Variants in CNIH3 observed in about 807,000 individuals in gnomAD.
The protein encoded by CNIH3 is protein cornichon homolog 3.
CNIH3 carries 14 observed loss-of-function variants against 24.1 expected under a neutral mutation model. That is an observed-to-expected ratio of 0.58 (90% CI 0.38 to 0.91). CNIH3 has a LOEUF of 0.91. Ranked by LOEUF, CNIH3 falls within the 40% of genes least tolerant of loss-of-function variation. CNIH3 has a pLI of 0.00. For missense variants in CNIH3, 178 were observed against 196.8 expected (o/e 0.90, Z 0.57); for synonymous variants, 68 against 73.8 (o/e 0.92, Z 0.40).
At chr1:224,668,402 G>A (rs1032880146) in intron 1 of CNIH3, among the ~76,000 whole-genome samples, 2 of 152,208 alleles carry the variant, frequency 1.3e-5, no homozygotes, top group Non-Finnish European at 2.9e-5. Flanking sequence ...CAAAATGAAT[G>A]GCAGCTGGTA....
Position 224,616,358 on chromosome 1 carries a change from A to T in CNIH3, c.-817A>T. On this transcript the variant is annotated 5_prime_UTR_variant, in exon 1 of 6. Transcript: ENST00000272133. Reference sequence around the variant, plus strand: ...CGGCGGCGGCGGCGGCAGCGGCAGCAGCAGGTGGAGCGAGCTACAGCGTTT... The same window carrying T: ...CGGCGGCGGCGGCGGCAGCGGCAGCTGCAGGTGGAGCGAGCTACAGCGTTT... 1.7e-6 allele frequency: 1 copy of T among 591,674 alleles called. No homozygotes were observed. The highest frequency in any genetic ancestry group is 2.2e-6 in the Non-Finnish European group (1 of 452,720). 36.7% of individuals were successfully genotyped at this position (591,674 alleles called of 1,614,324 possible). A position where few individuals can be genotyped will look rare whatever the true frequency, so the allele number is the denominator to read the frequency against.
downstream of CNIH3, among the ~76,000 whole-genome samples, chr1:224,590,775 G>A (rs776909030): frequency 3.3e-5 from 5 of 151,976 alleles, no homozygotes; most frequent in African/African-American, 4.8e-5. Flanking sequence ...CATAGCTAAC[G>A]CCTTTGTGCT....
At position 224,465,111 on chromosome 1, in the gene CNIH3, C is replaced by CT. The variant is rs547660025; in HGVS notation, n.203+30264dup. Among the ~76,000 whole-genome samples, 1,011 of 142,702 alleles carry CT rather than the reference C, an allele frequency of 7.1e-3. 6 individuals carry two copies. The highest frequency in any genetic ancestry group is 8.6e-3 in the Admixed American group (122 of 14,162). The allele number at this position is 142,702 out of a possible 152,430, so 93.6% of individuals were successfully genotyped here. A position where few individuals can be genotyped will look rare whatever the true frequency, so the allele number is the denominator to read the frequency against. ...ACCCAGCCAAGATAGTTAGAATTAT[C>CT]TTTTTTTTTTTTTTTGAGACGGAGT... On this transcript the variant is annotated intron_variant and non_coding_transcript_variant, in intron 1 of 5. Transcript: ENST00000471578.
chr1:224,713,958 G>T (rs1688294257), intron 3 of CNIH3, among the ~76,000 whole-genome samples: 1 of 152,058 alleles, frequency 6.6e-6, no homozygotes, highest in South Asian at 2.1e-4. Flanking sequence ...GGGACTACAG[G>T]CATGCACCAC....
chr1:224,607,388 G>A (rs1458576285), intron 3 of CNIH3, among the ~76,000 whole-genome samples: 1 of 152,160 alleles, frequency 6.6e-6, no homozygotes, highest in African/African-American at 2.4e-5. Context: ...CAGGCAGCAG[G>A]GGAAAGAAGA....
intron 1 of CNIH3, among the ~76,000 whole-genome samples, chr1:224,462,980 A>C (rs1675988917): frequency 6.9e-6 from 1 of 145,384 alleles, no homozygotes; most frequent in South Asian, 2.2e-4. Flanking sequence ...GGCTCACTGC[A>C]ACCTGCACCT....
chr1:224,565,121 G>C (rs1043900634), intron 3 of CNIH3, among the ~76,000 whole-genome samples: 6 of 152,226 alleles, frequency 3.9e-5, no homozygotes, highest in Non-Finnish European at 8.8e-5. Flanking sequence ...CCCCCAAATA[G>C]ATTTTGCAAT....
intron 3 of CNIH3, among the ~76,000 whole-genome samples, chr1:224,549,336 A>G (rs1427787280): frequency 6.6e-6 from 1 of 152,134 alleles, no homozygotes; most frequent in Non-Finnish European, 1.5e-5. Flanking sequence ...GTACAAACAC[A>G]CTAGATATTA....
intron 1 of CNIH3, among the ~76,000 whole-genome samples, chr1:224,629,443 T>C (rs1683709104): frequency 6.6e-6 from 1 of 152,174 alleles, no homozygotes; most frequent in African/African-American, 2.4e-5. Flanking sequence ...ACGGCACTCA[T>C]ATTTGGCTCA....
intron 1 of CNIH3, among the ~76,000 whole-genome samples, chr1:224,660,468 T>C (rs915917491): frequency 1.3e-5 from 2 of 152,206 alleles, no homozygotes; most frequent in African/African-American, 4.8e-5. Context: ...AATTATTATT[T>C]TTCTCAATAA....
intron 1 of CNIH3, among the ~76,000 whole-genome samples, chr1:224,490,797 CG>C (rs1677210384): frequency 6.6e-6 from 1 of 152,124 alleles, no homozygotes; most frequent in South Asian, 2.1e-4. Flanking sequence ...GAATGATTTG[CG>C]AATCGGGCAG....
chr1:224,542,424 G>A (rs1375855741), downstream of CNIH3, among the ~76,000 whole-genome samples: 1 of 152,166 alleles, frequency 6.6e-6, no homozygotes, highest in African/African-American at 2.4e-5. Context: ...ATTTGGAAAT[G>A]GAACTGAAAA....
chr1:224,706,165 T>C (rs1687799267), intron 3 of CNIH3, among the ~76,000 whole-genome samples: 2 of 152,192 alleles, frequency 1.3e-5, no homozygotes, highest in Non-Finnish European at 1.5e-5. Flanking sequence ...TGTTCAGTTC[T>C]GAGAATTCTA....
exon 1 of CNIH3, chr1:224,434,859 G>T: frequency 1.0e-6 from 1 of 985,468 alleles, no homozygotes; most frequent in Non-Finnish European, 1.2e-6. Context: ...ACTTCCGGTG[G>T]CAGGTATGGA....
intron 3 of CNIH3, among the ~76,000 whole-genome samples, chr1:224,605,840 A>C (rs1278209203): frequency 6.6e-6 from 1 of 152,078 alleles, no homozygotes; most frequent in Non-Finnish European, 1.5e-5. Flanking sequence ...AAAAACCCCT[A>C]ATCTCCAAGC....
chr1:224,627,512 C>T (rs575081489), intron 1 of CNIH3, among the ~76,000 whole-genome samples: 9 of 152,134 alleles, frequency 5.9e-5, no homozygotes, highest in Non-Finnish European at 1.3e-4. Flanking sequence ...GCGTGAGCCA[C>T]CGCACCTGGC....
At chr1:224,453,325 A>G (rs995179436) in intron 1 of CNIH3, among the ~76,000 whole-genome samples, 1 of 151,696 alleles carries the variant, frequency 6.6e-6, no homozygotes, top group Non-Finnish European at 1.5e-5. Flanking sequence ...GTCCACAGAC[A>G]TGAGCCACCA....
intron 5 of CNIH3, 44 bp from the exon 6 acceptor site, chr1:224,739,285 A>G: frequency 6.6e-7 from 1 of 1,512,156 alleles, no homozygotes; most frequent in Non-Finnish European, 8.9e-7. Flanking sequence ...TTCTACTAAC[A>G]CCTTCCTCTC....
chr1:224,673,479 A>G (rs1193400643), intron 1 of CNIH3, among the ~76,000 whole-genome samples: 1 of 152,182 alleles, frequency 6.6e-6, no homozygotes, highest in African/African-American at 2.4e-5. Context: ...CATCTGCAGC[A>G]TAATTTCCGT....
Sources: allele counts gnomAD v4.1 joint callset (sites outside exome capture counted in the v4.1 genomes callset), GRCh38; gene constraint gnomAD v4.1.1; transcripts MANE v1.5; gene names NCBI Gene and HGNC (gene_info 2026-07-23, HGNC 2026-07-21).